LRRC4C: variants seen among roughly 807,000 people sequenced by gnomAD.
LRRC4C encodes leucine-rich repeat-containing protein 4C.
In LRRC4C, 5 loss-of-function variants were observed where a neutral mutation model predicts 33.6. That is an observed-to-expected ratio of 0.15 (90% CI 0.08 to 0.31). The LOEUF (loss-of-function observed/expected upper bound fraction) is 0.31. LRRC4C is among the 10% of genes least tolerant of loss of function. LRRC4C has a pLI of 1.00. For synonymous variants in LRRC4C, 329 were observed against 302.0 expected, an observed-to-expected ratio of 1.09 and a Z score of -0.93; for missense variants, 560 against 796.7, an observed-to-expected ratio of 0.70 and a Z score of 3.58.
intron 1 of LRRC4C, among the ~76,000 whole-genome samples, chr11:40,981,934 A>G (rs1208713750): frequency 6.6e-6 from 1 of 152,232 alleles, no homozygotes; most frequent in Non-Finnish European, 1.5e-5. Flanking sequence ...ATTAATATCT[A>G]TAATATTTTT....
At chr11:41,210,206 T>C (rs1946764643) in intron 1 of LRRC4C, among the ~76,000 whole-genome samples, 1 of 152,208 alleles carries the variant, frequency 6.6e-6, no homozygotes. Context: ...AGTACCATTA[T>C]AACTGATATG....
At chr11:40,509,878 T>A (rs1433800420) in intron 3 of LRRC4C, among the ~76,000 whole-genome samples, 1 of 152,160 alleles carries the variant, frequency 6.6e-6, no homozygotes, top group Non-Finnish European at 1.5e-5. Flanking sequence ...TTAAAAATAA[T>A]CATGGCAGGT....
intron 3 of LRRC4C, among the ~76,000 whole-genome samples, chr11:40,419,102 C>T (rs1441663270): frequency 6.6e-6 from 1 of 151,938 alleles, no homozygotes; most frequent in African/African-American, 2.4e-5. Context: ...CAAACCTGCA[C>T]ATCCTGCACT....
intron 3 of LRRC4C, among the ~76,000 whole-genome samples, chr11:40,349,401 C>A (rs1947283429): frequency 7.3e-6 from 1 of 136,438 alleles, no homozygotes. Flanking sequence ...GACAGAATCT[C>A]ATTTTTTTTT....
intron 1 of LRRC4C, among the ~76,000 whole-genome samples, chr11:41,377,224 C>T (rs931732971): frequency 3.3e-5 from 5 of 152,080 alleles, no homozygotes; most frequent in Non-Finnish European, 7.4e-5. Context: ...TTGAAAAATA[C>T]ATTTATTAAC....
Position 41,306,829 on chromosome 11 carries a change from A to C in LRRC4C, c.-496+152602T>G, listed in dbSNP as rs527521562. Among the ~76,000 whole-genome samples the C allele has an allele frequency of 9.1e-4, 138 of 152,336 alleles. 1 individual carries two copies. Among genetic ancestry groups the C allele is most frequent in the African/African-American group, 3.3e-3 (138 of 41,556 alleles). ...TTTGCATATCATGCACTTATTAAGG[A>C]AAGTTTAAGTAGTTGCTTATCTAGT... On this transcript the variant is annotated intron_variant, in intron 1 of 6. Coordinates refer to ENST00000528697, the MANE Select transcript of LRRC4C (RefSeq NM_001258419.2).
intron 4 of LRRC4C, among the ~76,000 whole-genome samples, chr11:40,277,483 A>G (rs1162041519): frequency 1.3e-5 from 2 of 152,112 alleles, no homozygotes; most frequent in Non-Finnish European, 2.9e-5. Flanking sequence ...AGGAACTATA[A>G]AAAGCGGTGA....
In LRRC4C at chr11:41,123,256, GTTTTGT is replaced by G. The variant is rs1214289628; in HGVS notation, c.-495-189539_-495-189534del. On this transcript the variant is annotated intron_variant, in intron 1 of 6. Coordinates refer to ENST00000528697, the MANE Select transcript of LRRC4C (RefSeq NM_001258419.2). ...AAATGCTTTCTCTATCCTGAGCTAT[GTTTTGT>G]TTTTTTTTTTTTTTTTTTTTTTTTT... Among the ~76,000 whole-genome samples, 997 of 107,048 alleles carry G rather than the reference GTTTTGT, an allele frequency of 9.3e-3. 109 individuals are homozygous for G. Among genetic ancestry groups the G allele is most frequent in the African/African-American group, 0.022 (561 of 25,282 alleles). The allele number at this position is 107,048 out of a possible 152,430, so 70.2% of individuals were successfully genotyped here.
At chr11:41,068,665 C>A (rs1256490537) in intron 1 of LRRC4C, among the ~76,000 whole-genome samples, 3 of 151,938 alleles carry the variant, frequency 2.0e-5, no homozygotes, top group Non-Finnish European at 2.9e-5. Context: ...ATACTTATTC[C>A]CCCAAAACAC....
intron 2 of LRRC4C, among the ~76,000 whole-genome samples, chr11:40,892,776 G>T (rs544312945): frequency 6.6e-6 from 1 of 152,110 alleles, no homozygotes; most frequent in Non-Finnish European, 1.5e-5. Flanking sequence ...GGTTACCAGC[G>T]GCTGGGGGCT....
chr11:40,559,693 T>C (rs988020650), intron 3 of LRRC4C, among the ~76,000 whole-genome samples: 1 of 152,184 alleles, frequency 6.6e-6, no homozygotes, highest in Non-Finnish European at 1.5e-5. Context: ...GTTTTTGACT[T>C]TTTAATAGGT....
At chr11:40,298,944 C>T (rs905175618) in intron 4 of LRRC4C, among the ~76,000 whole-genome samples, 59 of 152,286 alleles carry the variant, frequency 3.9e-4, no homozygotes, top group African/African-American at 1.4e-3. Context: ...GGTCCCTCCC[C>T]CAACACATGG....
chr11:40,698,075 A>G (rs1945669423), intron 2 of LRRC4C, among the ~76,000 whole-genome samples: 1 of 151,880 alleles, frequency 6.6e-6, no homozygotes, highest in African/African-American at 2.4e-5. Flanking sequence ...CTCAAAAAAA[A>G]AAAAAAAAAA....
intron 1 of LRRC4C, among the ~76,000 whole-genome samples, chr11:41,356,944 T>A (rs183934965): frequency 4.6e-5 from 7 of 152,288 alleles, no homozygotes; most frequent in African/African-American, 1.7e-4. Flanking sequence ...AAAGGAGTTC[T>A]ACAAGAGTGA....
At chr11:40,863,858 T>G (rs1954221832) in intron 2 of LRRC4C, among the ~76,000 whole-genome samples, 1 of 152,136 alleles carries the variant, frequency 6.6e-6, no homozygotes, top group Non-Finnish European at 1.5e-5. Context: ...CTTAACTTAT[T>G]TAAGTTGTGT....
chr11:40,740,703 T>C (rs1948116252), intron 2 of LRRC4C, among the ~76,000 whole-genome samples: 2 of 152,072 alleles, frequency 1.3e-5, no homozygotes, highest in Admixed American at 6.6e-5. Flanking sequence ...AAAAATAGCA[T>C]TGCCCAGACT....
At chr11:40,948,989 G>A (rs1008262334) in intron 1 of LRRC4C, among the ~76,000 whole-genome samples, 6 of 152,096 alleles carry the variant, frequency 3.9e-5, no homozygotes, top group South Asian at 2.1e-4. Flanking sequence ...CACCAACAGT[G>A]TAAGAGTGTT....
intron 3 of LRRC4C, among the ~76,000 whole-genome samples, chr11:40,416,318 TA>T (rs769770064): frequency 1.3e-4 from 20 of 151,888 alleles, no homozygotes; most frequent in Non-Finnish European, 2.5e-4. Flanking sequence ...TAAACTGGGA[TA>T]AAAAGATGAG....
intron 1 of LRRC4C, among the ~76,000 whole-genome samples, chr11:41,254,012 T>C (rs953525834): frequency 5.9e-5 from 9 of 152,094 alleles, no homozygotes; most frequent in Non-Finnish European, 1.2e-4. Context: ...TTACTGTTTG[T>C]ATAGGGCCCA....
Sources: gnomAD v4.1 joint callset for allele counts (sites outside exome capture counted in the v4.1 genomes callset) on GRCh38, gnomAD v4.1.1 for gene constraint, MANE v1.5 for transcripts, NCBI Gene and HGNC (gene_info 2026-07-23, HGNC 2026-07-21) for gene names.